NTM: variants seen among roughly 807,000 people sequenced by gnomAD.
The protein encoded by NTM is neurotrimin, also known as IgLON family member 2.
In NTM, 13 loss-of-function variants were observed where a neutral mutation model predicts 42.1. That is an observed-to-expected ratio of 0.31 (90% CI 0.20 to 0.49). The LOEUF (loss-of-function observed/expected upper bound fraction) is 0.49. NTM is among the 20% of genes least tolerant of loss of function. The pLI is 0.99. For synonymous variants in NTM, 187 were observed against 179.2 expected (o/e 1.04, Z -0.35); for missense variants, 373 against 452.8 (o/e 0.82, Z 1.60).
intron 8 of NTM, among the ~76,000 whole-genome samples, chr11:132,333,175 G>A (rs1449173372): frequency 2.0e-5 from 3 of 152,082 alleles, no homozygotes. Flanking sequence ...CACTCACAGT[G>A]TTGAGGCAAA....
intron 4 of NTM, among the ~76,000 whole-genome samples, chr11:132,281,571 C>G (rs2093972048): frequency 6.6e-6 from 1 of 152,182 alleles, no homozygotes; most frequent in Non-Finnish European, 1.5e-5. Context: ...CTTTCATTTA[C>G]AGAACCCCAG....
intron 1 of NTM, among the ~76,000 whole-genome samples, chr11:131,852,035 C>T (rs951747878): frequency 2.6e-5 from 4 of 152,116 alleles, no homozygotes; most frequent in Admixed American, 6.5e-5. Context: ...CTACTGGACT[C>T]GCAGATAGAA....
intron 1 of NTM, among the ~76,000 whole-genome samples, chr11:131,589,167 A>ATGTGTGTGTGTGTG (rs58237274): frequency 0.023 from 3,233 of 143,492 alleles, 131 homozygotes; most frequent in African/African-American, 0.078. Flanking sequence ...ACCTGGAAAA[A>ATGTGTGTGTGTGTG]TGTGTGTGTG....
intron 1 of NTM, among the ~76,000 whole-genome samples, chr11:131,750,726 G>C (rs1248432836): frequency 6.6e-6 from 1 of 152,182 alleles, no homozygotes; most frequent in Non-Finnish European, 1.5e-5. Context: ...CATCATCTCA[G>C]TCACTCTCAT....
chr11:131,398,829 C>A (rs2099950809), intron 1 of NTM, among the ~76,000 whole-genome samples: 1 of 152,150 alleles, frequency 6.6e-6, no homozygotes, highest in Non-Finnish European at 1.5e-5. Context: ...CAAGTGAGGT[C>A]TTTTGTCTCT....
chr11:132,309,725 G>A (rs779139703), intron 5 of NTM, among the ~76,000 whole-genome samples: 1 of 152,130 alleles, frequency 6.6e-6, no homozygotes, highest in Non-Finnish European at 1.5e-5. Context: ...CCAGGGCAGA[G>A]ACTGAGAAAC....
chr11:132,206,520 A>T (rs1336549430), intron 3 of NTM, among the ~76,000 whole-genome samples: 2 of 152,228 alleles, frequency 1.3e-5, no homozygotes, highest in Non-Finnish European at 2.9e-5. Flanking sequence ...AACAGTCTTT[A>T]TGAGGTTCAG....
rs113152998 is a variant in NTM, at chr11:131,431,564, A to T, written c.82+60676A>T. Among the ~76,000 whole-genome samples, 287 of 152,286 alleles carry T rather than the reference A, an allele frequency of 1.9e-3. 1 individual carries two copies. Among genetic ancestry groups the T allele is most frequent in the Middle Eastern group, 0.01 (3 of 294 alleles). ...TGCTTACCTGCTTCCCTCCACAAGGAAGAAGCTCTGGGCAGCAGAGACTCT... is the reference window on the plus strand; with the variant it reads ...TGCTTACCTGCTTCCCTCCACAAGGTAGAAGCTCTGGGCAGCAGAGACTCT... On this transcript the variant is annotated intron_variant, in intron 1 of 8. Coordinates refer to ENST00000683400, the MANE Select transcript of NTM (RefSeq NM_001352005.2).
At chr11:131,483,794 G>T (rs1370911522) in intron 1 of NTM, among the ~76,000 whole-genome samples, 4 of 152,240 alleles carry the variant, frequency 2.6e-5, no homozygotes, top group African/African-American at 9.6e-5. Flanking sequence ...CAACAAAAGG[G>T]CAGTGGGGGA....
chr11:132,128,368 A>G (rs1020498850), intron 2 of NTM, among the ~76,000 whole-genome samples: 7 of 152,092 alleles, frequency 4.6e-5, no homozygotes, highest in African/African-American at 9.7e-5. Context: ...TTACATCTCA[A>G]CTGTTGCTAG....
intron 1 of NTM, among the ~76,000 whole-genome samples, chr11:131,714,494 A>AT (rs756615639): frequency 2.0e-5 from 3 of 152,022 alleles, no homozygotes; most frequent in Non-Finnish European, 4.4e-5. Context: ...ACCAGCCAAG[A>AT]TTTTTTCTAT....
rs1044421881 is a variant in NTM, at chr11:132,016,902, T to G, written c.167+105254T>G. On this transcript the variant is annotated intron_variant, in intron 2 of 8. Transcript: ENST00000683400. Reference sequence around the variant, plus strand: ...GCATTCTGTTAATGATGAATGACTTTGAGAATCTTTTCACATGCTTATTAC... The same window carrying G: ...GCATTCTGTTAATGATGAATGACTTGGAGAATCTTTTCACATGCTTATTAC... 3.3e-5 allele frequency among the ~76,000 whole-genome samples: 5 copies of G among 152,132 alleles called. No homozygotes were observed. The East Asian group carries it at 9.6e-4, about 29-fold the overall frequency.
intron 2 of NTM, among the ~76,000 whole-genome samples, chr11:132,066,154 T>G (rs2056447641): frequency 6.6e-6 from 1 of 152,188 alleles, no homozygotes; most frequent in African/African-American, 2.4e-5. Flanking sequence ...CTTCCAACCC[T>G]TTTCAGCACC....
chr11:131,878,597 ATATATATATATATATAT>A (rs1565667011), intron 1 of NTM, among the ~76,000 whole-genome samples: 115 of 9,704 alleles, frequency 0.012, 21 homozygotes, highest in East Asian at 0.043. Flanking sequence ...AAAAAAAAAT[ATATATATATATATATAT>A]ATATATATAT....
chr11:131,649,702 C>G (rs890190307), intron 1 of NTM, among the ~76,000 whole-genome samples: 1 of 152,130 alleles, frequency 6.6e-6, no homozygotes, highest in Non-Finnish European at 1.5e-5. Flanking sequence ...TTAAGCCTTT[C>G]TAGGTTCTCA....
intron 1 of NTM, among the ~76,000 whole-genome samples, chr11:131,649,608 G>A (rs1042597012): frequency 3.3e-5 from 5 of 152,164 alleles, no homozygotes; most frequent in Admixed American, 3.3e-4. Context: ...AGGTCAAGGA[G>A]TTAATCGCCT....
At chr11:131,991,003 C>G (rs1431668216) in intron 2 of NTM, among the ~76,000 whole-genome samples, 1 of 152,038 alleles carries the variant, frequency 6.6e-6, no homozygotes, top group African/African-American at 2.4e-5. Flanking sequence ...ACTTCAGGTA[C>G]AAGGAAAACC....
chr11:131,741,021 C>G (rs554893710), intron 1 of NTM, among the ~76,000 whole-genome samples: 1 of 152,030 alleles, frequency 6.6e-6, no homozygotes, highest in African/African-American at 2.4e-5. Context: ...AAAAATTAAC[C>G]GGGCATGGTG....
intron 2 of NTM, among the ~76,000 whole-genome samples, chr11:132,025,829 C>G (rs780204907): frequency 6.6e-6 from 1 of 152,212 alleles, no homozygotes; most frequent in East Asian, 1.9e-4. Context: ...TTACTAATCA[C>G]TCAAAGGCCA....
Sources: gnomAD v4.1 joint callset for allele counts (sites outside exome capture counted in the v4.1 genomes callset) on GRCh38, gnomAD v4.1.1 for gene constraint, MANE v1.5 for transcripts, NCBI Gene and HGNC (gene_info 2026-07-23, HGNC 2026-07-21) for gene names.